The following LRP1B variants were observed in gnomAD, a reference collection of about 807,000 sequenced individuals.
LRP1B encodes LDL receptor related protein 1B.
LRP1B carries 217 observed loss-of-function variants against 556.6 expected under a neutral mutation model. The ratio of observed to expected loss-of-function variants is 0.39; its 90% CI spans 0.35 to 0.44. LRP1B has a LOEUF of 0.44. Among genes scored for constraint, LRP1B ranks in the 20% least tolerant of loss-of-function variants. The pLI is 1.00. For missense variants in LRP1B, 5,053 were observed against 5,620.8 expected (o/e 0.90, Z 3.23); for synonymous variants, 2,047 against 1,865.8 (o/e 1.10, Z -2.50).
At chr2:141,241,779 C>A (rs1683886408) in intron 5 of LRP1B, among the ~76,000 whole-genome samples, 1 of 151,960 alleles carries the variant, frequency 6.6e-6, no homozygotes, top group Non-Finnish European at 1.5e-5. Context: ...GATAGTAAAG[C>A]ACAATAAATC....
At chr2:141,080,576 A>G (rs918699100) in intron 7 of LRP1B, among the ~76,000 whole-genome samples, 1 of 152,154 alleles carries the variant, frequency 6.6e-6, no homozygotes, top group African/African-American at 2.4e-5. Flanking sequence ...ACAGCTATTT[A>G]TTTTTTCATT....
At chr2:140,901,542 C>G (rs1694105284) in intron 23 of LRP1B, among the ~76,000 whole-genome samples, 1 of 152,074 alleles carries the variant, frequency 6.6e-6, no homozygotes, top group South Asian at 2.1e-4. Flanking sequence ...TATCCATCAC[C>G]TCAAGCATTT....
intron 7 of LRP1B, among the ~76,000 whole-genome samples, chr2:141,069,832 T>C (rs2105480660): frequency 6.6e-6 from 1 of 152,210 alleles, no homozygotes; most frequent in Non-Finnish European, 1.5e-5. Flanking sequence ...CTTTAAGTTT[T>C]AGGGTACATG....
At chr2:141,128,740 C>A (rs1445685725) in intron 7 of LRP1B, among the ~76,000 whole-genome samples, 1 of 152,186 alleles carries the variant, frequency 6.6e-6, no homozygotes, top group East Asian at 1.9e-4. Flanking sequence ...CCTACCTCAG[C>A]CTCCCGAGTA....
intron 3 of LRP1B, among the ~76,000 whole-genome samples, chr2:141,278,538 A>C (rs935965387): frequency 8.5e-5 from 13 of 152,156 alleles, no homozygotes; most frequent in Non-Finnish European, 1.5e-4. Context: ...AAGCAGAGTG[A>C]ATTTCCTAAG....
At chr2:141,084,190 C>T (rs1293243469) in intron 7 of LRP1B, among the ~76,000 whole-genome samples, 3 of 152,060 alleles carry the variant, frequency 2.0e-5, no homozygotes, top group South Asian at 2.1e-4. Context: ...TTAAATAGAT[C>T]TGTTCATGGA....
At chr2:141,505,591 C>T (rs1683894183) in intron 2 of LRP1B, among the ~76,000 whole-genome samples, 1 of 152,038 alleles carries the variant, frequency 6.6e-6, no homozygotes, top group Non-Finnish European at 1.5e-5. Context: ...AATTATTCAA[C>T]ATATACCTGT....
chr2:140,291,484 C>T (rs1049250028), intron 84 of LRP1B, among the ~76,000 whole-genome samples: 24 of 151,188 alleles, frequency 1.6e-4, no homozygotes, highest in South Asian at 8.4e-4. Context: ...CAACAGGCCC[C>T]GGTGTGTGAT....
At chr2:141,992,771 C>T (rs1702383756) in intron 1 of LRP1B, among the ~76,000 whole-genome samples, 1 of 152,110 alleles carries the variant, frequency 6.6e-6, no homozygotes, top group African/African-American at 2.4e-5. Context: ...TGCCTACCTT[C>T]TCTTCATTTT....
intron 2 of LRP1B, among the ~76,000 whole-genome samples, chr2:141,534,154 T>A (rs994368884): frequency 6.6e-6 from 1 of 152,126 alleles, no homozygotes; most frequent in African/African-American, 2.4e-5. Flanking sequence ...GAGGATATCC[T>A]CTGAATGCAT....
At chr2:141,010,354 A>C (rs1209946650) in intron 14 of LRP1B, among the ~76,000 whole-genome samples, 2 of 152,076 alleles carry the variant, frequency 1.3e-5, no homozygotes, top group Non-Finnish European at 2.9e-5. Context: ...AAGCTTATAC[A>C]TTTTACCAAA....
chr2:141,938,169 AC>A (rs1700693141), intron 1 of LRP1B, among the ~76,000 whole-genome samples: 1 of 152,150 alleles, frequency 6.6e-6, no homozygotes, highest in East Asian at 1.9e-4. Context: ...AAAAAAGGCA[AC>A]CTACAGACTG....
intron 5 of LRP1B, among the ~76,000 whole-genome samples, chr2:141,243,285 C>G (rs1683948611): frequency 6.6e-6 from 1 of 151,906 alleles, no homozygotes; most frequent in Non-Finnish European, 1.5e-5. Flanking sequence ...GAGTTCAAGA[C>G]CAGCCTGGGC....
chr2:141,441,501 C>T (rs1680966728), intron 3 of LRP1B, among the ~76,000 whole-genome samples: 1 of 152,118 alleles, frequency 6.6e-6, no homozygotes, highest in Non-Finnish European at 1.5e-5. Flanking sequence ...TAATCAGAGT[C>T]CTAATTTTAT....
At chr2:141,010,951 G>GGT (rs71995663) in intron 14 of LRP1B, among the ~76,000 whole-genome samples, 21,593 of 144,526 alleles carry the variant, frequency 0.15, 1,732 homozygotes, top group Middle Eastern at 0.19. Context: ...CTTGTCAGAT[G>GGT]GTGTGTGTGT....
chr2:140,475,378 CTG>C, intron 59 of LRP1B, 41 bp from the exon 60 acceptor site: 4 of 1,461,988 alleles, frequency 2.7e-6, no homozygotes, highest in African/African-American at 2.8e-5. Context: ...TACAGATTCT[CTG>C]GGAGCAAAAC....
At chr2:140,439,537 T>G (rs1328879033) in intron 66 of LRP1B, among the ~76,000 whole-genome samples, 1 of 152,166 alleles carries the variant, frequency 6.6e-6, no homozygotes, top group African/African-American at 2.4e-5. Flanking sequence ...AGATGTTCTT[T>G]AAAGACCTTT....
At chr2:140,268,071 A>G (rs903028529) in intron 86 of LRP1B, among the ~76,000 whole-genome samples, 1 of 151,918 alleles carries the variant, frequency 6.6e-6, no homozygotes, top group African/African-American at 2.4e-5. Context: ...TGAAATGGAT[A>G]TATTTTGCCC....
At chr2:141,070,712 G>A (rs923340016) in intron 7 of LRP1B, among the ~76,000 whole-genome samples, 8 of 152,038 alleles carry the variant, frequency 5.3e-5, no homozygotes, top group African/African-American at 1.9e-4. Context: ...TACCATCAGA[G>A]AATACTACAA....
Sources: allele counts gnomAD v4.1 joint callset (sites outside exome capture counted in the v4.1 genomes callset), GRCh38; gene constraint gnomAD v4.1.1; transcripts MANE v1.5; gene names NCBI Gene and HGNC (gene_info 2026-07-23, HGNC 2026-07-21).